The following ARHGEF17 variants were observed in gnomAD, a reference collection of about 807,000 sequenced individuals.
The protein encoded by ARHGEF17 is 164 kDa Rho-specific guanine-nucleotide exchange factor.
Under a neutral mutation model 174.0 loss-of-function variants are expected in ARHGEF17, and 80 were observed. That is an observed-to-expected ratio of 0.46 (90% CI 0.38 to 0.55). ARHGEF17 has a LOEUF of 0.55. ARHGEF17 is among the 20% of genes least tolerant of loss of function. The probability of loss-of-function intolerance (pLI) is 0.00; values close to 1 mark genes in which losing one functional copy is unlikely to be tolerated. For synonymous variants in ARHGEF17, 1,311 were observed against 1,189.1 expected (o/e 1.10, Z -2.11); for missense variants, 2,886 against 2,839.7 (o/e 1.02, Z -0.37).
At chr11:73,353,076 GCCA>G in intron 3 of ARHGEF17, 64 bp downstream of exon 3, 1 of 1,588,676 alleles carries the variant, frequency 6.3e-7, no homozygotes, top group Non-Finnish European at 8.6e-7. Flanking sequence ...GCTGGATGTG[GCCA>G]CGGACCCCAC....
chr11:73,355,611 G>A lies in ARHGEF17; in HGVS notation c.3532G>A (p.Ala1178Thr), dbSNP rs1185666503. 1.9e-6 allele frequency: 3 copies of A among 1,614,192 alleles called. No homozygotes were observed. The Admixed American group carries it at 5.0e-5, about 27-fold the overall frequency. ...FLNAKDAVRV[A>T]KEARPAFLKF... is the part of the protein sequence containing the mutation. ...CAATGCAAAGGATGCTGTGCGTGTG[G>A]CCAAGGAGGCGAGGCCTGCCTTTCT... Residue 1178 changes from alanine to threonine, a missense_variant, in exon 4 of 21, where the codon GCC (alanine) becomes ACC (threonine). By Grantham distance (58) the Ala-to-Thr change is moderately conservative. Around this residue, in one of 4 missense-constraint regions of ARHGEF17, gnomAD observed 353 missense variants for 470.3 expected, o/e 0.75. Transcript: ENST00000263674.
chr11:73,363,795 C>T lies in ARHGEF17; in HGVS notation c.5295C>T (p.Ser1765=), dbSNP rs144505096. 10 of 1,614,062 alleles carry T rather than the reference C, an allele frequency of 6.2e-6. No individual in the cohort carries two copies. Among genetic ancestry groups the T allele is most frequent in the Middle Eastern group, 1.6e-4 (1 of 6,062 alleles). The change falls in exon 16 of 21, where the codon AGC becomes AGT. Residue 1765 remains serine, a synonymous_variant. Transcript: ENST00000263674. ...ACAGCATCCGTGACCGCAGGAACAGCATGAAGCTCCAGCATGCGGCCTCTG... is the reference window on the plus strand; with the variant it reads ...ACAGCATCCGTGACCGCAGGAACAGTATGAAGCTCCAGCATGCGGCCTCTG... ...SSDSIRDRRN[S]MKLQHAASVT... is the part of the protein sequence containing the mutation.
At position 73,332,393 on chromosome 11, in the gene ARHGEF17, GTGTGTGTGTGTGTGTA is replaced by G. The variant is rs748104196; in HGVS notation, c.3193-14488_3193-14473del. 1.8e-3 allele frequency among the ~76,000 whole-genome samples: 239 copies of G among 130,798 alleles called. No homozygotes were observed. In the Middle Eastern group the frequency reaches 0.023, roughly 13 times the overall value. 85.8% of individuals were successfully genotyped at this position (130,798 alleles called of 152,430 possible). A position where few individuals can be genotyped will look rare whatever the true frequency, so the allele number is the denominator to read the frequency against. ...TGTGTGTGTGTGTGTGTGTGTGTGTGTGTGTGTGTGTGTGTATTTTAAATAACATTGAGATGGTGCA... is the reference window on the plus strand; with the variant it reads ...TGTGTGTGTGTGTGTGTGTGTGTGTGTTTTAAATAACATTGAGATGGTGCA... On this transcript the variant is annotated intron_variant, in intron 1 of 20. Coordinates refer to ENST00000263674, the MANE Select transcript of ARHGEF17 (RefSeq NM_014786.4).
chr11:73,319,253 G>A (rs1019347935), intron 1 of ARHGEF17, among the ~76,000 whole-genome samples: 2 of 152,104 alleles, frequency 1.3e-5, no homozygotes, highest in Non-Finnish European at 1.5e-5. Flanking sequence ...TAGTAGAGAC[G>A]GGGTTTCACC....
intron 12 of ARHGEF17, 30 bp downstream of exon 12, chr11:73,361,191 A>G (rs1211722037): frequency 1.2e-6 from 2 of 1,606,508 alleles, no homozygotes; most frequent in Non-Finnish European, 1.7e-6. Context: ...ACTTGGGTAC[A>G]TGTTTTCAAA....
rs750452333 is a variant in ARHGEF17, at chr11:73,365,462, G to C, written c.5623G>C (p.Val1875Leu). 6.2e-7 allele frequency: 1 copy of C among 1,614,060 alleles called. No individual in the cohort carries two copies. Among genetic ancestry groups the C allele is most frequent in the East Asian group, 2.2e-5 (1 of 44,884 alleles). The stretch of plus-strand genomic sequence containing the variant: ...GGTGGACTCCAGCCTGGGTGTGTGG[G>C]TGACATTGAAAGGTAGTGCCCACGT... Reference protein sequence around the residue: ...CMVDSSLGVWVTLKGSAHVCL... With the variant: ...CMVDSSLGVWLTLKGSAHVCL... Residue 1875 changes from valine (V) to leucine (L), a missense_variant, in exon 19 of 21, where the codon GTG (valine) becomes CTG (leucine). Val to Leu is a conservative substitution (Grantham distance 32, BLOSUM62 1). Around this residue, in one of 4 missense-constraint regions of ARHGEF17, gnomAD observed 329 missense variants for 435.2 expected, o/e 0.76. Transcript: ENST00000263674. The surrounding 1 kb of genome is among the most constrained non-coding windows in gnomAD (Gnocchi z 4.9).
intron 1 of ARHGEF17, among the ~76,000 whole-genome samples, chr11:73,342,148 GT>G (rs1435706915): frequency 3.2e-3 from 254 of 79,566 alleles, no homozygotes; most frequent in African/African-American, 0.028. Flanking sequence ...TGGGAGCACA[GT>G]CTAGGGGTGG....
intron 1 of ARHGEF17, among the ~76,000 whole-genome samples, chr11:73,314,332 G>A (rs113884237): frequency 6.6e-5 from 10 of 152,258 alleles, no homozygotes; most frequent in East Asian, 3.9e-4. Flanking sequence ...GATGCCCCCC[G>A]CCCCCCAGGC....
intron 2 of ARHGEF17, among the ~76,000 whole-genome samples, chr11:73,347,456 G>T (rs1352657846): frequency 6.6e-6 from 1 of 152,174 alleles, no homozygotes; most frequent in Non-Finnish European, 1.5e-5. Flanking sequence ...TAGAAACATC[G>T]AGGGGCACCT....
chr11:73,348,025 A>G (rs983366532), intron 2 of ARHGEF17, among the ~76,000 whole-genome samples: 1 of 152,220 alleles, frequency 6.6e-6, no homozygotes, highest in African/African-American at 2.4e-5. Flanking sequence ...AGGCTCAGAC[A>G]TGAACCTGGG....
chr11:73,320,667 T>A (rs1865003974), intron 1 of ARHGEF17, among the ~76,000 whole-genome samples: 1 of 150,960 alleles, frequency 6.6e-6, no homozygotes, highest in Non-Finnish European at 1.5e-5. Flanking sequence ...GATGATTTTT[T>A]TTTTTTTTTT....
In ARHGEF17 at chr11:73,308,982, C is replaced by T. The variant is rs138821110; in HGVS notation, c.344C>T (p.Ala115Val). 9,633 of 1,374,444 alleles carry T rather than the reference C, an allele frequency of 7.0e-3. 90 individuals are homozygous for T. Among genetic ancestry groups the T allele is most frequent in the Middle Eastern group, 0.038 (195 of 5,076 alleles). The allele number at this position is 1,374,444 out of a possible 1,614,324, so 85.1% of individuals were successfully genotyped here. A position where few individuals can be genotyped will look rare whatever the true frequency, so the allele number is the denominator to read the frequency against. Reference sequence around the variant, plus strand: ...TTACCCGCGGCCGCGGAAGAAGCGGCCGAGGGCCCAGCGCGAGGAGCCTGG... The same window carrying T: ...TTACCCGCGGCCGCGGAAGAAGCGGTCGAGGGCCCAGCGCGAGGAGCCTGG... ...GVLPAAAEEA[A>V]EGPARGAWPS... Residue 115 changes from alanine (A) to valine (V), a missense_variant, in exon 1 of 21, where the codon GCC becomes GTC. Transcript: ENST00000263674.
At chr11:73,324,273 GT>G (rs1565191482) in intron 1 of ARHGEF17, among the ~76,000 whole-genome samples, 1 of 152,162 alleles carries the variant, frequency 6.6e-6, no homozygotes. Flanking sequence ...CTTGATTCTG[GT>G]CGGGTGGATC....
intron 15 of ARHGEF17, 73 bp downstream of exon 15, chr11:73,363,528 C>T: frequency 6.4e-7 from 1 of 1,553,594 alleles, no homozygotes; most frequent in African/African-American, 1.4e-5. Flanking sequence ...CATGTGGTCC[C>T]CTGGAGCCAA....
chr11:73,336,010 C>G (rs187264525), intron 1 of ARHGEF17, among the ~76,000 whole-genome samples: 1 of 152,192 alleles, frequency 6.6e-6, no homozygotes, highest in Non-Finnish European at 1.5e-5. Flanking sequence ...ACATTGAGAC[C>G]GTCCTATTTC....
Position 73,368,984 on chromosome 11 carries a change from C to A in ARHGEF17, c.*1204C>A, listed in dbSNP as rs775420727. On this transcript the variant is annotated 3_prime_UTR_variant, in exon 21 of 21. Coordinates refer to ENST00000263674, the MANE Select transcript of ARHGEF17 (RefSeq NM_014786.4). ...TTGGTTTTGTTTGGGGTGGGTGGGT[C>A]ATTGCGGTCTTAGATTATGTTTCTC... is the stretch of plus-strand genomic sequence containing the variant. The A allele has an allele frequency of 6.6e-6, 1 of 152,438 alleles. No individual in the cohort carries two copies. Among genetic ancestry groups the A allele is most frequent in the Non-Finnish European group, 1.5e-5 (1 of 68,040 alleles). The allele number at this position is 152,438 out of a possible 1,614,324, so 9.4% of individuals were successfully genotyped here.
intron 1 of ARHGEF17, among the ~76,000 whole-genome samples, chr11:73,318,312 G>GA (rs1011949079): frequency 1.7e-4 from 25 of 151,398 alleles, no homozygotes; most frequent in South Asian, 4.2e-4. Context: ...GGCCTGTCCA[G>GA]AAGTGTGATG....
At chr11:73,331,408 C>T (rs1401233804) in intron 1 of ARHGEF17, among the ~76,000 whole-genome samples, 1 of 152,134 alleles carries the variant, frequency 6.6e-6, no homozygotes, top group Non-Finnish European at 1.5e-5. Flanking sequence ...TTCCTGGGCC[C>T]CTGGACCTTC....
At chr11:73,335,562 CATT>C (rs900126128) in intron 1 of ARHGEF17, among the ~76,000 whole-genome samples, 1 of 151,870 alleles carries the variant, frequency 6.6e-6, no homozygotes, top group African/African-American at 2.4e-5. Context: ...AAAAAACCCA[CATT>C]AAAAAAAAAA....
Sources: gnomAD v4.1 joint callset for allele counts (sites outside exome capture counted in the v4.1 genomes callset) on GRCh38, gnomAD v4.1.1 for gene constraint, gnomAD v4.1.1 regional missense constraint, Gnocchi (gnomAD v3.1) non-coding constraint, MANE v1.5 for transcripts, NCBI Gene and HGNC (gene_info 2026-07-23, HGNC 2026-07-21) for gene names.